ARHGAP15: variants seen among roughly 807,000 people sequenced by gnomAD.
The protein encoded by ARHGAP15 is Rho GTPase activating protein 15, also known as rho GTPase-activating protein 15.
In ARHGAP15, 51 loss-of-function variants were observed where a neutral mutation model predicts 63.7. The observed-to-expected ratio is 0.80, with a 90% confidence interval of 0.64 to 1.01. ARHGAP15 has a LOEUF of 1.01. Among genes scored for constraint, ARHGAP15 ranks in the 50% least tolerant of loss-of-function variants. The pLI is 0.00. For missense variants in ARHGAP15, 560 were observed against 564.6 expected, an observed-to-expected ratio of 0.99 and a Z score of 0.08; for synonymous variants, 191 against 193.8, an observed-to-expected ratio of 0.99 and a Z score of 0.12.
At chr2:143,620,300 T>C (rs1191846070) in intron 11 of ARHGAP15, among the ~76,000 whole-genome samples, 13 of 152,160 alleles carry the variant, frequency 8.5e-5, no homozygotes, top group Non-Finnish European at 1.9e-4. Context: ...TCTATCATAT[T>C]TCCTCTTCAC....
intron 3 of ARHGAP15, among the ~76,000 whole-genome samples, chr2:143,203,626 T>A (rs549225163): frequency 6.6e-6 from 1 of 152,066 alleles, no homozygotes; most frequent in Non-Finnish European, 1.5e-5. Flanking sequence ...TGAATCTAAA[T>A]TTTTTATTAA....
intron 13 of ARHGAP15, among the ~76,000 whole-genome samples, chr2:143,743,171 G>A (rs1686026263): frequency 1.3e-5 from 2 of 152,306 alleles, no homozygotes; most frequent in East Asian, 3.9e-4. Context: ...GGTGAGCCGG[G>A]TTTAAACCTT....
intron 11 of ARHGAP15, chr2:143,587,720 G>T (rs1178896221): frequency 2.1e-6 from 1 of 470,464 alleles, no homozygotes; most frequent in Non-Finnish European, 4.4e-6. Flanking sequence ...TATCAGAACT[G>T]GATGGAGACC....
intron 6 of ARHGAP15, among the ~76,000 whole-genome samples, chr2:143,252,385 T>C (rs530676820): frequency 6.6e-6 from 1 of 152,210 alleles, no homozygotes; most frequent in East Asian, 1.9e-4. Context: ...TTCTATTTGA[T>C]TTTTATATTT....
At chr2:143,484,274 G>A (rs967201882) in intron 8 of ARHGAP15, among the ~76,000 whole-genome samples, 12 of 151,460 alleles carry the variant, frequency 7.9e-5, no homozygotes, top group African/African-American at 2.7e-4. Flanking sequence ...GCTGAGGCAT[G>A]AGAATTGCTT....
intron 12 of ARHGAP15, among the ~76,000 whole-genome samples, chr2:143,664,355 T>A (rs1474074753): frequency 6.6e-6 from 1 of 151,512 alleles, no homozygotes; most frequent in African/African-American, 2.4e-5. Context: ...AATAAAGATG[T>A]TCTTTGAAAC....
At position 143,330,115 on chromosome 2, in the gene ARHGAP15, AAAAAAAAAAAAAAAAAC is replaced by A. The variant is rs1558897810; in HGVS notation, c.474+79516_474+79532del. Reference sequence around the variant, plus strand: ...GTCTCAAAAAAAAAAAAAAAAAAAAAAAAAAAAAAAAAAAAACCAAAAACAAAAAACTAAACTAATGA... The same window carrying A: ...GTCTCAAAAAAAAAAAAAAAAAAAAACAAAAACAAAAAACTAAACTAATGA... On this transcript the variant is annotated intron_variant, in intron 6 of 13. Coordinates refer to ENST00000295095, the MANE Select transcript of ARHGAP15 (RefSeq NM_018460.4). Among the ~76,000 whole-genome samples, 24 of 86,176 alleles carry A rather than the reference AAAAAAAAAAAAAAAAAC, an allele frequency of 2.8e-4. 5 individuals carry two copies. Among genetic ancestry groups the A allele is most frequent in the South Asian group, 1.5e-3 (4 of 2,712 alleles). The allele number at this position is 86,176 out of a possible 152,430, so 56.5% of individuals were successfully genotyped here.
intron 2 of ARHGAP15, among the ~76,000 whole-genome samples, chr2:143,175,769 C>T (rs1170246311): frequency 1.3e-5 from 2 of 152,032 alleles, no homozygotes; most frequent in African/African-American, 4.8e-5. Context: ...CTGCTGCAAA[C>T]CACCAATATC....
intron 12 of ARHGAP15, among the ~76,000 whole-genome samples, chr2:143,671,015 T>A (rs1682495223): frequency 6.6e-6 from 1 of 152,160 alleles, no homozygotes; most frequent in Non-Finnish European, 1.5e-5. Context: ...CTCCTTTCTA[T>A]AGTTATATTT....
Position 143,510,018 on chromosome 2 carries a change from TAAAAAA to T in ARHGAP15, c.827-9224_827-9219del, listed in dbSNP as rs35469918. On this transcript the variant is annotated intron_variant, in intron 9 of 13. Coordinates refer to ENST00000295095, the MANE Select transcript of ARHGAP15 (RefSeq NM_018460.4). ...CTGGCGACAGAGTAAGACTCCCTCT[TAAAAAA>T]AAAAAAAAAAAAAAAAAAAAAAATA... is the stretch of plus-strand genomic sequence containing the variant. Among the ~76,000 whole-genome samples, 206 of 48,822 alleles carry T rather than the reference TAAAAAA, an allele frequency of 4.2e-3. 2 individuals are homozygous for T. Among genetic ancestry groups the T allele is most frequent in the African/African-American group, 0.015 (189 of 12,780 alleles). The allele number at this position is 48,822 out of a possible 152,430, so 32.0% of individuals were successfully genotyped here. A position where few individuals can be genotyped will look rare whatever the true frequency, so the allele number is the denominator to read the frequency against.
intron 11 of ARHGAP15, among the ~76,000 whole-genome samples, chr2:143,618,834 T>TC (rs1574716854): frequency 4.7e-5 from 2 of 42,266 alleles, no homozygotes; most frequent in African/African-American, 1.2e-4. Context: ...GGTAAACTCC[T>TC]TTTTTTTTTT....
intron 8 of ARHGAP15, among the ~76,000 whole-genome samples, chr2:143,464,591 G>C (rs1691114249): frequency 6.6e-6 from 1 of 152,134 alleles, no homozygotes; most frequent in African/African-American, 2.4e-5. Context: ...ATAAATGACA[G>C]AAATTTCTAT....
At chr2:143,289,122 TTA>T (rs1363380538) in intron 6 of ARHGAP15, among the ~76,000 whole-genome samples, 1 of 152,036 alleles carries the variant, frequency 6.6e-6, no homozygotes, top group African/African-American at 2.4e-5. Flanking sequence ...AAGAGCATTT[TTA>T]TATGTTTTCT....
chr2:143,672,692 T>C (rs1682587691), intron 12 of ARHGAP15, among the ~76,000 whole-genome samples: 1 of 152,204 alleles, frequency 6.6e-6, no homozygotes, highest in Admixed American at 6.5e-5. Context: ...TGGAACCTTG[T>C]CACACTCTAG....
intron 12 of ARHGAP15, among the ~76,000 whole-genome samples, chr2:143,685,713 C>T (rs1186846955): frequency 6.6e-6 from 1 of 152,178 alleles, no homozygotes; most frequent in African/African-American, 2.4e-5. Flanking sequence ...GTGATACAAT[C>T]AGCCCAGGCC....
intron 13 of ARHGAP15, among the ~76,000 whole-genome samples, chr2:143,704,794 G>A (rs1684251303): frequency 6.6e-6 from 1 of 152,174 alleles, no homozygotes; most frequent in Non-Finnish European, 1.5e-5. Context: ...AATTTGGGAT[G>A]AGTCATTCCT....
At chr2:143,172,467 G>C (rs1278888422) in intron 2 of ARHGAP15, among the ~76,000 whole-genome samples, 1 of 152,018 alleles carries the variant, frequency 6.6e-6, no homozygotes, top group South Asian at 2.1e-4. Context: ...GAGAAAATGG[G>C]GACACTATTA....
chr2:143,132,066 A>C (rs904016026), intron 1 of ARHGAP15, among the ~76,000 whole-genome samples: 3 of 152,138 alleles, frequency 2.0e-5, no homozygotes, highest in Non-Finnish European at 4.4e-5. Flanking sequence ...GAAATTATTT[A>C]ACATAATTAG....
chr2:143,172,418 G>T (rs1038277050), intron 2 of ARHGAP15, among the ~76,000 whole-genome samples: 1 of 152,072 alleles, frequency 6.6e-6, no homozygotes, highest in Non-Finnish European at 1.5e-5. Context: ...AAGCACATAA[G>T]TCTCTCTGTT....
Sources: allele counts gnomAD v4.1 joint callset (sites outside exome capture counted in the v4.1 genomes callset), GRCh38; gene constraint gnomAD v4.1.1; transcripts MANE v1.5; gene names NCBI Gene and HGNC (gene_info 2026-07-23, HGNC 2026-07-21).